The following SAMD12 variants were observed in gnomAD, a reference collection of about 807,000 sequenced individuals.
The protein encoded by SAMD12 is sterile alpha motif domain containing 12.
In SAMD12, 9 loss-of-function variants were observed where a neutral mutation model predicts 15.0. The ratio of observed to expected loss-of-function variants is 0.60; its 90% confidence interval spans 0.36 to 1.05. The LOEUF (loss-of-function observed/expected upper bound fraction) is 1.05, where lower values mean the gene tolerates loss of function less well. SAMD12 is among the 50% of genes least tolerant of loss of function. The pLI is 0.01. For synonymous variants in SAMD12, 86 were observed against 90.1 expected (o/e 0.96, Z 0.25); for missense variants, 230 against 234.2 (o/e 0.98, Z 0.12).
intron 2 of SAMD12, among the ~76,000 whole-genome samples, chr8:118,558,732 G>T (rs1826619633): frequency 6.6e-6 from 1 of 152,032 alleles, no homozygotes; most frequent in Non-Finnish European, 1.5e-5. Context: ...CTAATTTTTT[G>T]TATTTTTAGT....
the SAMD12 span, among the ~76,000 whole-genome samples, chr8:118,170,431 G>A: frequency 6.6e-6 from 1 of 152,120 alleles, no homozygotes; most frequent in East Asian, 1.9e-4. Context: ...CAAATTTCTG[G>A]GAACACATAA....
chr8:118,287,064 G>A (rs1388851210), intron 4 of SAMD12, among the ~76,000 whole-genome samples: 1 of 151,830 alleles, frequency 6.6e-6, no homozygotes, highest in Non-Finnish European at 1.5e-5. Flanking sequence ...TTTTGTGCCT[G>A]GAATGTAAGA....
chr8:118,545,869 TGAAATTCCCTGA>T (rs1408000275), intron 2 of SAMD12, among the ~76,000 whole-genome samples: 1 of 152,180 alleles, frequency 6.6e-6, no homozygotes, highest in Non-Finnish European at 1.5e-5. Context: ...GCAGGTGGGA[TGAAATTCCCTGA>T]GTTACATAGC....
Position 118,462,036 on chromosome 8 carries a change from TAG to T in SAMD12, c.193-22077_193-22076del, listed in dbSNP as rs1323298516. 4.6e-5 allele frequency among the ~76,000 whole-genome samples: 7 copies of T among 152,336 alleles called. No homozygotes were observed. The South Asian group carries it at 8.3e-4, about 18-fold the overall frequency. Reference sequence around the variant, plus strand: ...ATGTCCATAAGGACTTACTAAATGGTAGAATACCTGCATTTGATTTTGTCAGT... The same window carrying T: ...ATGTCCATAAGGACTTACTAAATGGTAATACCTGCATTTGATTTTGTCAGT... On this transcript the variant is annotated intron_variant, in intron 2 of 3. Transcript: ENST00000314727.
intron 4 of SAMD12, among the ~76,000 whole-genome samples, chr8:118,281,339 C>A (rs1175757396): frequency 6.6e-6 from 1 of 152,120 alleles, no homozygotes; most frequent in Admixed American, 6.6e-5. Context: ...GGGAGGAGAT[C>A]CCCTTCCTTC....
chr8:118,229,151 G>A (rs2451173), intron 4 of SAMD12, among the ~76,000 whole-genome samples: 78,864 of 151,858 alleles, frequency 0.52, 25,130 homozygotes, highest in Non-Finnish European at 0.73. Flanking sequence ...TGGGAGGGGG[G>A]CGAGGGATAA....
At chr8:118,328,657 G>A (rs921666654) in intron 4 of SAMD12, among the ~76,000 whole-genome samples, 10 of 152,162 alleles carry the variant, frequency 6.6e-5, no homozygotes, top group Non-Finnish European at 1.5e-4. Context: ...GTGATGTAGT[G>A]CATAGCAGGT....
At chr8:118,206,387 T>C (rs190508601) in intron 4 of SAMD12, among the ~76,000 whole-genome samples, 27 of 152,324 alleles carry the variant, frequency 1.8e-4, no homozygotes, top group Admixed American at 1.7e-3. Context: ...CCACAAATCC[T>C]GGATATAATA....
At position 118,440,096 on chromosome 8, in the gene SAMD12, T is replaced by C. The variant is rs1822695678; in HGVS notation, c.193-135A>G. ...AAATATCTAGTTCTTGTCTTTCTCC[T>C]AACCTCTGTAGACCTTCTCAATACT... On this transcript the variant is annotated intron_variant, in intron 2 of 3. Transcript: ENST00000314727. The C allele has an allele frequency of 8.4e-6, 7 of 830,170 alleles. No individual in the cohort carries two copies. In the East Asian group the frequency reaches 1.8e-4, roughly 22 times the overall value. 51.4% of individuals were successfully genotyped at this position (830,170 alleles called of 1,614,324 possible).
At chr8:118,585,929 T>A (rs752435976) in intron 1 of SAMD12, among the ~76,000 whole-genome samples, 4 of 152,196 alleles carry the variant, frequency 2.6e-5, no homozygotes, top group Non-Finnish European at 5.9e-5. Context: ...CAAGAACAAG[T>A]GCATCTTAGT....
chr8:118,620,588 G>A (rs1828371702), intron 1 of SAMD12, among the ~76,000 whole-genome samples: 1 of 152,072 alleles, frequency 6.6e-6, no homozygotes, highest in Non-Finnish European at 1.5e-5. Flanking sequence ...AGAGTTTCCC[G>A]AGTTTATGGG....
chr8:118,533,513 T>C (rs1044830031), intron 2 of SAMD12, among the ~76,000 whole-genome samples: 1 of 152,194 alleles, frequency 6.6e-6, no homozygotes, highest in Non-Finnish European at 1.5e-5. Flanking sequence ...TTCTGTCTCG[T>C]TGATCTGTCT....
chr8:118,324,706 T>G (rs575606642), intron 4 of SAMD12, among the ~76,000 whole-genome samples: 2 of 152,284 alleles, frequency 1.3e-5, no homozygotes, highest in East Asian at 3.9e-4. Context: ...AGAAAGAAGA[T>G]TGCCCAGTCG....
chr8:118,424,939 A>AT (rs10570610), intron 3 of SAMD12, among the ~76,000 whole-genome samples: 1,534 of 138,620 alleles, frequency 0.011, 21 homozygotes, highest in African/African-American at 0.032. Context: ...TGGTATATTA[A>AT]TTTTTTTTTT....
intron 2 of SAMD12, among the ~76,000 whole-genome samples, chr8:118,506,763 A>G (rs1401666313): frequency 6.6e-6 from 1 of 150,952 alleles, no homozygotes; most frequent in Non-Finnish European, 1.5e-5. Flanking sequence ...GTTAGCTTTT[A>G]ACTTAGCCTC....
Position 118,379,010 on chromosome 8 carries a change from G to T in SAMD12, c.*407C>A, listed in dbSNP as rs931050153. The T allele has an allele frequency of 2.0e-6, 2 of 988,282 alleles. No homozygotes were observed. The highest frequency in any genetic ancestry group is 4.5e-5 in the South Asian group (1 of 22,318). The allele number at this position is 988,282 out of a possible 1,614,324, so 61.2% of individuals were successfully genotyped here. On this transcript the variant is annotated 3_prime_UTR_variant, in exon 4 of 4. Coordinates refer to ENST00000314727, the MANE Select transcript of SAMD12 (RefSeq NM_207506.3). ...ATGGGGTTCTTACAATCTCTAAAGT[G>T]TGTGTGTATAATACATTCATGTATA...
intron 1 of SAMD12, among the ~76,000 whole-genome samples, chr8:118,596,761 G>A (rs933001186): frequency 6.6e-5 from 10 of 152,116 alleles, no homozygotes; most frequent in African/African-American, 9.7e-5. Context: ...GAACTTTGCC[G>A]GACACTGAAG....
At chr8:118,289,695 C>T (rs1814256008) in intron 4 of SAMD12, among the ~76,000 whole-genome samples, 1 of 152,188 alleles carries the variant, frequency 6.6e-6, no homozygotes, top group Non-Finnish European at 1.5e-5. Context: ...TGTTCTAATT[C>T]TTGGTAACTG....
intron 2 of SAMD12, among the ~76,000 whole-genome samples, chr8:118,505,678 A>C (rs1269876448): frequency 6.6e-6 from 1 of 151,552 alleles, no homozygotes; most frequent in East Asian, 1.9e-4. Flanking sequence ...CACGCATTAC[A>C]TACTCTGGGC....
Sources: allele counts gnomAD v4.1 joint callset (sites outside exome capture counted in the v4.1 genomes callset), GRCh38; gene constraint gnomAD v4.1.1; transcripts MANE v1.5; gene names NCBI Gene and HGNC (gene_info 2026-07-23, HGNC 2026-07-21).